The following CDK14 variants were observed in gnomAD, a reference collection of about 807,000 sequenced individuals.
CDK14 encodes cyclin dependent kinase 14.
A neutral mutation model predicts 60.7 loss-of-function variants in CDK14; 34 were observed. The observed-to-expected ratio is 0.56, with a 90% CI of 0.43 to 0.75. The LOEUF is 0.75. Ranked by LOEUF, CDK14 falls within the 30% of genes least tolerant of loss-of-function variation. The pLI is 0.00. For synonymous variants in CDK14, 197 were observed against 203.7 expected, an observed-to-expected ratio of 0.97 and a Z score of 0.28; for missense variants, 482 against 564.1, an observed-to-expected ratio of 0.85 and a Z score of 1.47.
chr7:90,970,462 A>G (rs886852737), intron 9 of CDK14, among the ~76,000 whole-genome samples: 17 of 152,078 alleles, frequency 1.1e-4, no homozygotes, highest in African/African-American at 3.4e-4. Flanking sequence ...TGCCATCTCT[A>G]TTTGCTCTTT....
At chr7:90,694,333 A>G (rs1382871843) in intron 2 of CDK14, among the ~76,000 whole-genome samples, 1 of 152,204 alleles carries the variant, frequency 6.6e-6, no homozygotes, top group Non-Finnish European at 1.5e-5. Flanking sequence ...AAAAACAGTT[A>G]AAACATACCC....
In CDK14 at chr7:90,790,652, G is replaced by A. The variant is rs1410417148; in HGVS notation, c.544G>A (p.Ala182Thr). 1.2e-6 allele frequency: 2 copies of A among 1,608,574 alleles called. No homozygotes were observed. Among genetic ancestry groups the A allele is most frequent in the Non-Finnish European group, 1.7e-6 (2 of 1,175,830 alleles). Residue 182 changes from alanine (A) to threonine (T), a missense_variant and splice_region_variant, in exon 5 of 15, where the codon GCT (alanine) becomes ACT (threonine). By Grantham distance (58) the Ala-to-Thr change is moderately conservative (BLOSUM62 0). Coordinates refer to ENST00000380050, the MANE Select transcript of CDK14 (RefSeq NM_001287135.2). ...GACACCTTTCACAGCTATCAGGGAA[G>A]GTAGGCACTTTTCCTTGTTGATATT... The part of the protein sequence containing the change: ...EGTPFTAIRE[A>T]SLLKGLKHAN...
At chr7:91,176,463 C>G (rs561657393) in intron 14 of CDK14, among the ~76,000 whole-genome samples, 1 of 151,928 alleles carries the variant, frequency 6.6e-6, no homozygotes, top group African/African-American at 2.4e-5. Context: ...AAAATCAGAG[C>G]AGAACTGAAG....
Position 90,709,325 on chromosome 7 carries a change from A to T in CDK14, c.124-17242A>T, listed in dbSNP as rs149798130. ...CTATAGGATCCCAGATTATTATTTA[A>T]TGGGGTTGTCACTCAGGACACTTAC... On this transcript the variant is annotated intron_variant, in intron 2 of 14. Coordinates refer to ENST00000380050, the MANE Select transcript of CDK14 (RefSeq NM_001287135.2). The T allele has an allele frequency of 2.0e-3, 1,946 of 961,160 alleles. 6 individuals are homozygous for T. The highest frequency in any genetic ancestry group is 2.6e-3 in the Non-Finnish European group (1,801 of 706,124). 59.5% of individuals were successfully genotyped at this position (961,160 alleles called of 1,614,324 possible).
At chr7:91,091,523 G>T (rs1798827230) in intron 12 of CDK14, among the ~76,000 whole-genome samples, 2 of 51,472 alleles carry the variant, frequency 3.9e-5, no homozygotes, top group Admixed American at 3.7e-4. Context: ...ATATAAATTA[G>T]CCAGGCATGG....
chr7:90,755,245 A>C (rs1341845755), intron 4 of CDK14, among the ~76,000 whole-genome samples: 1 of 152,254 alleles, frequency 6.6e-6, no homozygotes, highest in Non-Finnish European at 1.5e-5. Flanking sequence ...TGGATTAAAA[A>C]AATGTGGTAC....
intron 5 of CDK14, among the ~76,000 whole-genome samples, chr7:90,813,059 A>G (rs1389914683): frequency 1.3e-5 from 2 of 152,224 alleles, no homozygotes; most frequent in Non-Finnish European, 2.9e-5. Flanking sequence ...AATATGGTAT[A>G]TTTGTACAGC....
At chr7:90,698,901 G>T (rs1386457381) in intron 2 of CDK14, among the ~76,000 whole-genome samples, 1 of 152,108 alleles carries the variant, frequency 6.6e-6, no homozygotes, top group Non-Finnish European at 1.5e-5. Flanking sequence ...CTGCAGCTTT[G>T]TAGTTACAAG....
intron 5 of CDK14, among the ~76,000 whole-genome samples, chr7:90,800,588 A>G (rs921680988): frequency 6.6e-6 from 1 of 151,862 alleles, no homozygotes; most frequent in Non-Finnish European, 1.5e-5. Context: ...TAACCATACC[A>G]TTTTTCCTTG....
chr7:91,060,519 G>A (rs1376721212), intron 11 of CDK14, among the ~76,000 whole-genome samples: 1 of 152,170 alleles, frequency 6.6e-6, no homozygotes, highest in Non-Finnish European at 1.5e-5. Flanking sequence ...AATTTGGCAT[G>A]TTTTTGCAGT....
chr7:90,927,902 T>C (rs542216098), intron 8 of CDK14, among the ~76,000 whole-genome samples: 18 of 152,334 alleles, frequency 1.2e-4, no homozygotes, highest in African/African-American at 4.3e-4. Flanking sequence ...CTTGGCGGCT[T>C]TGTTCGTTTC....
At chr7:90,871,776 A>G (rs956610825) in intron 6 of CDK14, among the ~76,000 whole-genome samples, 2 of 152,186 alleles carry the variant, frequency 1.3e-5, no homozygotes, top group Non-Finnish European at 2.9e-5. Context: ...CATTTTGCAG[A>G]TGAGGAAATT....
At chr7:91,021,304 T>G (rs1289813086) in intron 10 of CDK14, among the ~76,000 whole-genome samples, 1 of 152,226 alleles carries the variant, frequency 6.6e-6, no homozygotes, top group Non-Finnish European at 1.5e-5. Flanking sequence ...AACCTCTGTG[T>G]CCCAGTTTTC....
At chr7:91,079,355 G>A in intron 11 of CDK14, 77 bp from the exon 12 acceptor site, 1 of 962,180 alleles carries the variant, frequency 1.0e-6, no homozygotes, top group Non-Finnish European at 1.6e-6. Context: ...TTTTTTTAAA[G>A]TTGAAGTTTT....
At chr7:90,864,042 G>A (rs1215316943) in intron 6 of CDK14, among the ~76,000 whole-genome samples, 3 of 151,628 alleles carry the variant, frequency 2.0e-5, no homozygotes, top group African/African-American at 4.8e-5. Flanking sequence ...ATTTAGAATA[G>A]TTGTTGGTAT....
chr7:91,058,406 C>T (rs1226319867), intron 11 of CDK14, among the ~76,000 whole-genome samples: 2 of 152,120 alleles, frequency 1.3e-5, no homozygotes, highest in Non-Finnish European at 2.9e-5. Flanking sequence ...ATTTCCTTCC[C>T]CTGCCTGATT....
chr7:91,194,417 A>T (rs1288319412), intron 14 of CDK14, among the ~76,000 whole-genome samples: 1 of 152,164 alleles, frequency 6.6e-6, no homozygotes, highest in Non-Finnish European at 1.5e-5. Flanking sequence ...AGCTTATTGG[A>T]GCTGATTGGG....
At chr7:91,002,881 G>C (rs573424684) in intron 10 of CDK14, among the ~76,000 whole-genome samples, 17 of 152,224 alleles carry the variant, frequency 1.1e-4, no homozygotes, top group African/African-American at 4.1e-4. Flanking sequence ...GACCATCCTG[G>C]CTAACACGGT....
At chr7:90,714,238 A>G (rs1802164067) in intron 2 of CDK14, among the ~76,000 whole-genome samples, 1 of 152,110 alleles carries the variant, frequency 6.6e-6, no homozygotes, top group African/African-American at 2.4e-5. Context: ...GGCCCAGTTG[A>G]TAACACATTT....
Sources: allele counts gnomAD v4.1 joint callset (sites outside exome capture counted in the v4.1 genomes callset), GRCh38; gene constraint gnomAD v4.1.1; transcripts MANE v1.5; gene names NCBI Gene and HGNC (gene_info 2026-07-23, HGNC 2026-07-21).